The following CSPP1 variants were observed in gnomAD, a reference collection of about 807,000 sequenced individuals.
The protein encoded by CSPP1 is centrosome and spindle pole associated protein 1.
Under a neutral mutation model 164.4 loss-of-function variants are expected in CSPP1, and 126 were observed. That is an observed-to-expected ratio of 0.77 (90% confidence interval 0.66 to 0.89). The LOEUF (loss-of-function observed/expected upper bound fraction) is 0.89. Among genes scored for constraint, CSPP1 ranks in the 40% least tolerant of loss-of-function variants. The pLI, the probability that CSPP1 is intolerant of heterozygous loss-of-function variation, is 0.00. For missense variants in CSPP1, 1,395 were observed against 1,449.8 expected (o/e 0.96, Z 0.61); for synonymous variants, 472 against 476.7 (o/e 0.99, Z 0.13).
In CSPP1 at chr8:67,116,053, C is replaced by T; in HGVS notation, c.1427C>T (p.Pro476Leu). The T allele has an allele frequency of 6.2e-7, 1 of 1,614,144 alleles. No individual in the cohort carries two copies. Among genetic ancestry groups the T allele is most frequent in the Non-Finnish European group, 8.5e-7 (1 of 1,180,002 alleles). The part of the protein sequence containing the change: ...PSVPPIPSVH[P>L]VPSQNEDLRS... ...GTCCCACCCATCCCATCAGTTCATC[C>T]TGTTCCTTCTCAAAATGAAGATTTG... The change falls in exon 13 of 31, where the codon CCT (proline) becomes CTT (leucine). Residue 476 changes from proline to leucine, a missense_variant. Physicochemically the swap from Pro to Leu is moderately conservative, Grantham distance 98 (BLOSUM62 -3). Transcript: ENST00000678616.
intron 7 of CSPP1, among the ~76,000 whole-genome samples, chr8:67,101,637 C>G (rs1189174924): frequency 6.6e-6 from 1 of 152,108 alleles, no homozygotes. Context: ...ATGCGTTATG[C>G]CATGTCATAG....
intron 24 of CSPP1, among the ~76,000 whole-genome samples, chr8:67,167,344 G>A (rs1463118047): frequency 5.4e-5 from 8 of 149,254 alleles, no homozygotes; most frequent in South Asian, 2.1e-4. Flanking sequence ...GCGGCTGGGC[G>A]GAGGCTGCCC....
At chr8:67,076,085 CT>C (rs893059518) in intron 2 of CSPP1, among the ~76,000 whole-genome samples, 96 of 144,636 alleles carry the variant, frequency 6.6e-4, no homozygotes, top group Admixed American at 5.5e-4. Flanking sequence ...CTTTAATCTG[CT>C]TTTTTTTTTT....
chr8:67,092,250 G>T (rs1811767080), intron 5 of CSPP1, among the ~76,000 whole-genome samples: 1 of 151,992 alleles, frequency 6.6e-6, no homozygotes, highest in Admixed American at 6.5e-5. Flanking sequence ...TTTTATATAG[G>T]GTGAGGGTAA....
At chr8:67,160,659 A>G (rs1361110713) in intron 21 of CSPP1, among the ~76,000 whole-genome samples, 3 of 151,770 alleles carry the variant, frequency 2.0e-5, no homozygotes, top group Non-Finnish European at 4.4e-5. Flanking sequence ...TGAAATTAAC[A>G]TTGCTATCAT....
At chr8:67,103,366 T>A (rs1814563398) in intron 8 of CSPP1, among the ~76,000 whole-genome samples, 1 of 152,180 alleles carries the variant, frequency 6.6e-6, no homozygotes, top group African/African-American at 2.4e-5. Context: ...TGTGCCAAGG[T>A]GTTCTGAAGA....
At chr8:67,171,325 C>T (rs1255377836) in intron 24 of CSPP1, among the ~76,000 whole-genome samples, 1 of 151,082 alleles carries the variant, frequency 6.6e-6, no homozygotes, top group East Asian at 2.1e-4. Context: ...TGCTTAAACC[C>T]GGGAGGAGGA....
intron 30 of CSPP1, among the ~76,000 whole-genome samples, 164 bp from the exon 31 acceptor site, chr8:67,195,218 G>T (rs993181439): frequency 2.0e-5 from 3 of 151,976 alleles, no homozygotes; most frequent in Non-Finnish European, 4.4e-5. Context: ...CTAAAATAGG[G>T]TGGGGTGGGG....
intron 22 of CSPP1, among the ~76,000 whole-genome samples, 160 bp downstream of exon 22, chr8:67,162,075 C>T (rs1049864829): frequency 6.6e-6 from 1 of 152,112 alleles, no homozygotes; most frequent in African/African-American, 2.4e-5. Context: ...TCGATTGTAA[C>T]TGATAGTGCT....
At chr8:67,076,370 C>T in intron 2 of CSPP1, 112 bp from the exon 3 acceptor site, 1 of 447,532 alleles carries the variant, frequency 2.2e-6, no homozygotes, top group East Asian at 3.6e-5. Flanking sequence ...TTAATTTCTT[C>T]TATGATGTAC....
intron 22 of CSPP1, among the ~76,000 whole-genome samples, chr8:67,162,520 C>T (rs1048409317): frequency 1.3e-5 from 2 of 152,146 alleles, no homozygotes; most frequent in Non-Finnish European, 2.9e-5. Context: ...GAACATGTTT[C>T]TGAATTCCAC....
chr8:67,070,260 A>T (rs910942116), intron 1 of CSPP1, among the ~76,000 whole-genome samples: 1 of 151,864 alleles, frequency 6.6e-6, no homozygotes, highest in African/African-American at 2.4e-5. Flanking sequence ...CAGGAGATTG[A>T]GACCATCCTG....
In CSPP1 at chr8:67,188,746, C is replaced by A. The variant is rs543397557; in HGVS notation, c.3221-1904C>A. Among the ~76,000 whole-genome samples, 5 of 152,158 alleles carry A rather than the reference C, an allele frequency of 3.3e-5. No individual in the cohort carries two copies. In the East Asian group the frequency reaches 9.6e-4, roughly 29 times the overall value. ...GATGTCCTCTACACTTCTGATCCAGCGGGGTGGCACCCACTGCTGCTCCCA... is the reference window on the plus strand; with the variant it reads ...GATGTCCTCTACACTTCTGATCCAGAGGGGTGGCACCCACTGCTGCTCCCA... On this transcript the variant is annotated intron_variant, in intron 28 of 30. Coordinates refer to ENST00000678616, the MANE Select transcript of CSPP1 (RefSeq NM_001382391.1).
intron 8 of CSPP1, among the ~76,000 whole-genome samples, chr8:67,104,561 C>A (rs1267792809): frequency 6.6e-6 from 1 of 151,318 alleles, no homozygotes; most frequent in Non-Finnish European, 1.5e-5. Context: ...TAGGGATGAT[C>A]TTTTCTAAGT....
chr8:67,079,973 AT>A (rs1808800192), intron 3 of CSPP1, among the ~76,000 whole-genome samples: 1 of 152,230 alleles, frequency 6.6e-6, no homozygotes, highest in South Asian at 2.1e-4. Flanking sequence ...TGCTTCTTCC[AT>A]TGCCATCTGA....
intron 28 of CSPP1, among the ~76,000 whole-genome samples, chr8:67,182,398 CTT>C (rs1833281168): frequency 6.6e-6 from 1 of 152,076 alleles, no homozygotes; most frequent in Admixed American, 6.6e-5. Context: ...TCAGTAGACA[CTT>C]GAGTTGCTTC....
intron 15 of CSPP1, among the ~76,000 whole-genome samples, chr8:67,126,787 A>AAAAT (rs1820160026): frequency 6.6e-6 from 1 of 152,052 alleles, no homozygotes; most frequent in African/African-American, 2.4e-5. Context: ...TTTTATTGTC[A>AAAAT]GTCTTTTGCT....
chr8:67,135,887 A>G (rs1822155670), intron 16 of CSPP1: 1 of 152,196 alleles, frequency 6.6e-6, no homozygotes, highest in African/African-American at 2.4e-5. Flanking sequence ...TGACTCTTTC[A>G]TTCACTCAAA....
intron 21 of CSPP1, among the ~76,000 whole-genome samples, chr8:67,159,908 CTTTCTTT>C (rs1405693664): frequency 5.4e-4 from 36 of 66,184 alleles, no homozygotes; most frequent in East Asian, 1.6e-3. Context: ...TTCTTTCTTT[CTTTCTTT>C]CTTTCTTTCC....
Sources: gnomAD v4.1 joint callset for allele counts (sites outside exome capture counted in the v4.1 genomes callset) on GRCh38, gnomAD v4.1.1 for gene constraint, MANE v1.5 for transcripts, NCBI Gene and HGNC (gene_info 2026-07-23, HGNC 2026-07-21) for gene names.